BCL2L13: variants seen among roughly 807,000 people sequenced by gnomAD.
BCL2L13 encodes the protein BCL2 like 13.
BCL2L13 carries 13 observed loss-of-function variants against 25.8 expected under a neutral mutation model. The ratio of observed to expected loss-of-function variants is 0.50; its 90% CI spans 0.33 to 0.80. BCL2L13 has a LOEUF of 0.80. BCL2L13 is among the 30% of genes least tolerant of loss of function. BCL2L13 has a pLI of 0.02. For missense variants in BCL2L13, 504 were observed against 574.9 expected (o/e 0.88, Z 1.26); for synonymous variants, 244 against 230.3 (o/e 1.06, Z -0.54).
chr22:17,636,139 C>T (rs1358789314), upstream of BCL2L13, among the ~76,000 whole-genome samples: 1 of 151,578 alleles, frequency 6.6e-6, no homozygotes, highest in African/African-American at 2.4e-5. Context: ...GCCTGGCCAA[C>T]ACACTGAAAC....
intron 5 of BCL2L13, among the ~76,000 whole-genome samples, chr22:17,699,505 G>A: frequency 6.6e-6 from 1 of 152,156 alleles, no homozygotes; most frequent in East Asian, 1.9e-4. Context: ...GTGGATAAAG[G>A]TAAGCCAGTG....
chr22:17,697,800 T>C (rs2060308492), intron 5 of BCL2L13, among the ~76,000 whole-genome samples: 1 of 152,134 alleles, frequency 6.6e-6, no homozygotes, highest in Admixed American at 6.6e-5. Flanking sequence ...ATATTCTCTC[T>C]GATATAGACA....
intron 1 of BCL2L13, 49 bp from the exon 2 acceptor site, chr22:17,655,613 G>C: frequency 7.0e-7 from 1 of 1,425,708 alleles, no homozygotes; most frequent in Non-Finnish European, 9.5e-7. Context: ...AACTGTTAAA[G>C]TGGCATGTAA....
At position 17,727,312 on chromosome 22, in the gene BCL2L13, G is replaced by A. The variant is rs968421172; in HGVS notation, c.1236G>A (p.Lys412=). 1.2e-6 allele frequency: 2 copies of A among 1,614,136 alleles called. No individual in the cohort carries two copies. The highest frequency in any genetic ancestry group is 2.7e-5 in the African/African-American group (2 of 74,952). The change falls in exon 7 of 7, where the codon AAG becomes AAA. Residue 412 remains lysine (K), a synonymous_variant. Coordinates refer to ENST00000317582, the MANE Select transcript of BCL2L13 (RefSeq NM_015367.4). ...LEPTETLLSE[K]EINAREESLV... ...CCACAGAAACGCTGCTGAGTGAGAA[G>A]GAGATAAACGCAAGGGAAGAGAGCC...
chr22:17,668,383 A>T (rs1303179573), intron 2 of BCL2L13, among the ~76,000 whole-genome samples: 2 of 151,490 alleles, frequency 1.3e-5, no homozygotes, highest in African/African-American at 4.8e-5. Flanking sequence ...AAGGTCATGT[A>T]CATTTTCACC....
intron 2 of BCL2L13, among the ~76,000 whole-genome samples, chr22:17,680,927 G>A (rs1213430271): frequency 6.6e-6 from 1 of 152,074 alleles, no homozygotes; most frequent in Non-Finnish European, 1.5e-5. Context: ...AGCAGGTATG[G>A]TGCCAGTTGG....
At chr22:17,648,238 G>A (rs886817586) in intron 1 of BCL2L13, among the ~76,000 whole-genome samples, 1 of 152,230 alleles carries the variant, frequency 6.6e-6, no homozygotes, top group Middle Eastern at 3.4e-3. Context: ...TAACCCTGTA[G>A]TAGTGCTGTG....
chr22:17,728,620 G>A lies in BCL2L13; in HGVS notation c.*1086G>A, dbSNP rs1601820742. 1 of 152,292 alleles carries A rather than the reference G, an allele frequency of 6.6e-6. No homozygotes were observed. The highest frequency in any genetic ancestry group is 3.4e-3 in the Middle Eastern group (1 of 294). 9.4% of individuals were successfully genotyped at this position (152,292 alleles called of 1,614,324 possible). ...AGTTCTATGGGTCTCTTGCTAGGGG[G>A]TAAGGATTTTTATTCTTGGGCTTAT... is the stretch of plus-strand genomic sequence containing the variant. On this transcript the variant is annotated 3_prime_UTR_variant, in exon 7 of 7. Transcript: ENST00000317582.
chr22:17,724,996 C>T (rs935565193), intron 6 of BCL2L13, among the ~76,000 whole-genome samples: 3 of 152,100 alleles, frequency 2.0e-5, no homozygotes, highest in South Asian at 2.1e-4. Flanking sequence ...CATTCTTTCT[C>T]GTAGCCCTTG....
At chr22:17,642,770 T>C (rs2058339149) in intron 1 of BCL2L13, among the ~76,000 whole-genome samples, 1 of 152,056 alleles carries the variant, frequency 6.6e-6, no homozygotes, top group Non-Finnish European at 1.5e-5. Flanking sequence ...ATTTTTTTTG[T>C]ATTTTTTGTA....
At chr22:17,692,301 A>G (rs961300886) in intron 4 of BCL2L13, 1 of 152,130 alleles carries the variant, frequency 6.6e-6, no homozygotes, top group Non-Finnish European at 1.5e-5. Flanking sequence ...AATCTGCTGC[A>G]TTTTTTGTGC....
intron 2 of BCL2L13, among the ~76,000 whole-genome samples, chr22:17,675,105 A>G (rs2059540358): frequency 6.6e-6 from 1 of 152,168 alleles, no homozygotes; most frequent in Admixed American, 6.6e-5. Flanking sequence ...TATATACTAT[A>G]AAACAGAGGG....
chr22:17,689,732 A>G (rs1304655941), intron 4 of BCL2L13, among the ~76,000 whole-genome samples: 1 of 151,126 alleles, frequency 6.6e-6, no homozygotes, highest in Non-Finnish European at 1.5e-5. Flanking sequence ...AGTCCCAGCT[A>G]CTCGAGAGAC....
At chr22:17,703,293 C>G (rs1393485632) in intron 6 of BCL2L13, 1 of 152,140 alleles carries the variant, frequency 6.6e-6, no homozygotes, top group African/African-American at 2.4e-5. Flanking sequence ...TACATTTAAT[C>G]AGTCTTAATA....
intron 2 of BCL2L13, among the ~76,000 whole-genome samples, chr22:17,666,242 GGT>G (rs1442065766): frequency 1.3e-5 from 2 of 151,046 alleles, no homozygotes; most frequent in African/African-American, 4.9e-5. Context: ...GTACATAGTA[GGT>G]GTATATATAT....
At chr22:17,639,156 G>T (rs1412994662) in intron 1 of BCL2L13, among the ~76,000 whole-genome samples, 1 of 152,222 alleles carries the variant, frequency 6.6e-6, no homozygotes, top group East Asian at 1.9e-4. Flanking sequence ...GAGGAGCTCG[G>T]CCCTGGCTCC....
At chr22:17,655,947 G>C (rs1156828519) in intron 2 of BCL2L13, 115 bp downstream of exon 2, 5 of 1,118,836 alleles carry the variant, frequency 4.5e-6, no homozygotes, top group Non-Finnish European at 6.1e-6. Flanking sequence ...AAGCCTGTAA[G>C]AATAACCTGT....
chr22:17,713,054 C>T (rs941058566), intron 6 of BCL2L13, among the ~76,000 whole-genome samples: 1 of 152,090 alleles, frequency 6.6e-6, no homozygotes, highest in African/African-American at 2.4e-5. Flanking sequence ...GAATTATACC[C>T]TTTTACATTT....
chr22:17,719,363 A>G (rs2535676), intron 6 of BCL2L13, among the ~76,000 whole-genome samples: 132,871 of 151,994 alleles, frequency 0.87, 58,398 homozygotes, highest in African/African-American at 0.97. Flanking sequence ...ATTTTTCTAA[A>G]TTTTTTGGAG....
Sources: gnomAD v4.1 joint callset for allele counts (sites outside exome capture counted in the v4.1 genomes callset) on GRCh38, gnomAD v4.1.1 for gene constraint, MANE v1.5 for transcripts, NCBI Gene and HGNC (gene_info 2026-07-23, HGNC 2026-07-21) for gene names.